The following SPTBN1 variants were observed in gnomAD, a reference collection of about 807,000 sequenced individuals.
The protein encoded by SPTBN1 is spectrin beta chain, non-erythrocytic 1.
In SPTBN1, 32 loss-of-function variants were observed where a neutral mutation model predicts 266.4. The observed-to-expected ratio is 0.12, with a 90% CI of 0.09 to 0.16. SPTBN1 has a LOEUF of 0.16. Ranked by LOEUF, SPTBN1 falls within the 10% of genes least tolerant of loss-of-function variation. SPTBN1 has a pLI of 1.00. For synonymous variants in SPTBN1, 1,336 were observed against 1,162.2 expected, an observed-to-expected ratio of 1.15 and a Z score of -3.04; for missense variants, 2,296 against 3,067.1, an observed-to-expected ratio of 0.75 and a Z score of 5.94.
chr2:54,530,989 G>GT (rs1671202506), intron 2 of SPTBN1, among the ~76,000 whole-genome samples: 1 of 152,216 alleles, frequency 6.6e-6, no homozygotes, highest in Non-Finnish European at 1.5e-5. Context: ...CCACTCATCT[G>GT]TGGGGGGAGT....
chr2:54,569,069 G>C (rs1309897557), intron 2 of SPTBN1, among the ~76,000 whole-genome samples: 1 of 152,164 alleles, frequency 6.6e-6, no homozygotes, highest in Non-Finnish European at 1.5e-5. Flanking sequence ...TTTCCTCTGA[G>C]TTTGTAGGTG....
At chr2:54,550,511 T>G (rs1352958804) in intron 2 of SPTBN1, among the ~76,000 whole-genome samples, 1 of 152,188 alleles carries the variant, frequency 6.6e-6, no homozygotes, top group Non-Finnish European at 1.5e-5. Flanking sequence ...CTATATTACC[T>G]ACACTCTCAT....
At chr2:54,473,674 C>T (rs563012073) in intron 1 of SPTBN1, among the ~76,000 whole-genome samples, 1 of 152,258 alleles carries the variant, frequency 6.6e-6, no homozygotes, top group East Asian at 1.9e-4. Context: ...TCACCTCCCA[C>T]CATCTATTAA....
chr2:54,557,739 C>G (rs1316168207), intron 2 of SPTBN1: 2 of 985,462 alleles, frequency 2.0e-6, no homozygotes, highest in East Asian at 2.3e-4. Flanking sequence ...GAATTCCTAT[C>G]ATAGGCCCGT....
chr2:54,490,885 T>C (rs12713259), intron 1 of SPTBN1, among the ~76,000 whole-genome samples: 36,111 of 152,020 alleles, frequency 0.24, 4,582 homozygotes, highest in African/African-American at 0.32. Context: ...TCTTCTGCTG[T>C]GGCTGGAATA....
intron 2 of SPTBN1, among the ~76,000 whole-genome samples, chr2:54,590,398 G>A (rs1675596478): frequency 6.6e-6 from 1 of 152,194 alleles, no homozygotes; most frequent in Admixed American, 6.5e-5. Flanking sequence ...GGACACTGGA[G>A]GTTTGCTGAC....
rs541338978 is a variant in SPTBN1, at chr2:54,516,020, G to T, written c.-47-10352G>T. On this transcript the variant is annotated intron_variant, in intron 1 of 35. Coordinates refer to ENST00000356805, the MANE Select transcript of SPTBN1 (RefSeq NM_003128.3). ...CTGGCTGGGTGGGTAACTGGCCTAG[G>T]CGTAATTAGACTTTGATGCAGGTCA... 42 of 152,282 alleles carry T rather than the reference G, an allele frequency of 2.8e-4. 1 individual carries two copies. The highest frequency in any genetic ancestry group is 8.9e-4 in the African/African-American group (37 of 41,564). The allele number at this position is 152,282 out of a possible 1,614,324, so 9.4% of individuals were successfully genotyped here.
At position 54,533,475 on chromosome 2, in the gene SPTBN1, G is replaced by T. The variant is rs1671393397; in HGVS notation, c.148+6909G>T. 6.6e-6 allele frequency among the ~76,000 whole-genome samples: 1 copy of T among 151,782 alleles called. No individual in the cohort carries two copies. Among genetic ancestry groups the T allele is most frequent in the Middle Eastern group, 3.2e-3 (1 of 316 alleles). ...AAAGAAATCTATAAAACATGGCCTA[G>T]AATGATCTAATTAGGAGGAGGAAAC... On this transcript the variant is annotated intron_variant, in intron 2 of 35. Coordinates refer to ENST00000356805, the MANE Select transcript of SPTBN1 (RefSeq NM_003128.3). The surrounding 1 kb of genome is among the most constrained non-coding windows in gnomAD (Gnocchi z 4.2).
intron 32 of SPTBN1, chr2:54,662,737 G>A (rs1426423854): frequency 6.6e-6 from 1 of 152,138 alleles, no homozygotes; most frequent in Non-Finnish European, 1.5e-5. Flanking sequence ...TTTTGACTCA[G>A]GGTTTTGTTT....
chr2:54,456,764 C>T (rs1407521543), intron 1 of SPTBN1, among the ~76,000 whole-genome samples: 1 of 150,832 alleles, frequency 6.6e-6, no homozygotes, highest in Non-Finnish European at 1.5e-5. Flanking sequence ...CGAGGGGCGG[C>T]AGGCTCTGCG....
chr2:54,645,076 ATG>A lies in SPTBN1; in HGVS notation c.4270-151_4270-150del. 2.9e-6 allele frequency: 2 copies of A among 681,596 alleles called. No homozygotes were observed. The highest frequency in any genetic ancestry group is 5.4e-5 in the East Asian group (2 of 37,068). 42.2% of individuals were successfully genotyped at this position (681,596 alleles called of 1,614,324 possible). A position where few individuals can be genotyped will look rare whatever the true frequency, so the allele number is the denominator to read the frequency against. ...GATTTACTTGAAAACAGTTCCATTGATGTTGAAAAGCAAGTCAGTGGCAAAAT... is the reference window on the plus strand; with the variant it reads ...GATTTACTTGAAAACAGTTCCATTGATTGAAAAGCAAGTCAGTGGCAAAAT... On this transcript the variant is annotated intron_variant, in intron 20 of 35. Coordinates refer to ENST00000356805, the MANE Select transcript of SPTBN1 (RefSeq NM_003128.3). This position sits in a 1 kb window ranked among gnomAD's most constrained non-coding sequence, Gnocchi z 4.3.
intron 1 of SPTBN1, among the ~76,000 whole-genome samples, chr2:54,505,508 AGTT>A (rs1343214909): frequency 6.6e-6 from 1 of 152,104 alleles, no homozygotes; most frequent in African/African-American, 2.4e-5. Context: ...GCCACTGTGA[AGTT>A]GTTGCTCCCT....
At chr2:54,639,068 G>T (rs1194316588) in intron 18 of SPTBN1, among the ~76,000 whole-genome samples, 1 of 152,210 alleles carries the variant, frequency 6.6e-6, no homozygotes, top group Non-Finnish European at 1.5e-5. Flanking sequence ...AGGTCTCTGG[G>T]GGATTTGCCC....
rs1033015463 is a variant in SPTBN1, at chr2:54,558,196, G to T, written c.148+31630G>T. 1 of 985,358 alleles carries T rather than the reference G, an allele frequency of 1.0e-6. No individual in the cohort carries two copies. Among genetic ancestry groups the T allele is most frequent in the Non-Finnish European group, 1.2e-6 (1 of 829,898 alleles). 61.0% of individuals were successfully genotyped at this position (985,358 alleles called of 1,614,324 possible). ...GGCCGGGGGTCGGCGGCTGCCGGGC[G>T]GCTGGGGCGACCGCGGACCGTGCGG... On this transcript the variant is annotated intron_variant, in intron 2 of 35. Transcript: ENST00000356805. The surrounding 1 kb of genome is among the most constrained non-coding windows in gnomAD (Gnocchi z 4.6).
chr2:54,625,806 G>C, intron 11 of SPTBN1, 126 bp from the exon 12 acceptor site: 1 of 1,035,784 alleles, frequency 9.7e-7, no homozygotes, highest in East Asian at 2.6e-5. Context: ...GGCCAGGCTA[G>C]TCTCGAACTC....
chr2:54,661,399 G>A (rs1681034056), intron 32 of SPTBN1: 4 of 985,764 alleles, frequency 4.1e-6, no homozygotes, highest in South Asian at 4.7e-5. Context: ...TGTTCTCTAT[G>A]AGTTAAGTCT....
At chr2:54,623,659 G>A (rs989920999) in intron 10 of SPTBN1, 63 bp downstream of exon 10, 1 of 1,308,772 alleles carries the variant, frequency 7.6e-7, no homozygotes, top group Non-Finnish European at 1.1e-6. Flanking sequence ...TCTATCACTA[G>A]GTCTCGACTG....
intron 2 of SPTBN1, among the ~76,000 whole-genome samples, chr2:54,589,866 C>G (rs1675552918): frequency 6.6e-6 from 1 of 152,154 alleles, no homozygotes. Context: ...TAGGGGGACT[C>G]CACCCTACCA....
chr2:54,650,589 G>A (rs531121510), intron 26 of SPTBN1, among the ~76,000 whole-genome samples: 1 of 152,188 alleles, frequency 6.6e-6, no homozygotes, highest in Admixed American at 6.5e-5. Context: ...AAGTTTCATG[G>A]CCCTAGAGAA....
Sources: allele counts gnomAD v4.1 joint callset (sites outside exome capture counted in the v4.1 genomes callset), GRCh38; gene constraint gnomAD v4.1.1; non-coding constraint Gnocchi (gnomAD v3.1); transcripts MANE v1.5; gene names NCBI Gene and HGNC (gene_info 2026-07-23, HGNC 2026-07-21).